The following ING5 variants were observed in gnomAD, a reference collection of about 807,000 sequenced individuals.
ING5 encodes the protein inhibitor of growth protein 5.
Under a neutral mutation model 37.4 loss-of-function variants are expected in ING5, and 17 were observed. The ratio of observed to expected loss-of-function variants is 0.45; its 90% confidence interval spans 0.31 to 0.68. The LOEUF (loss-of-function observed/expected upper bound fraction) is 0.68. ING5 is among the 30% of genes least tolerant of loss of function. The pLI is 0.05. For missense variants in ING5, 233 were observed against 311.9 expected, an observed-to-expected ratio of 0.75 and a Z score of 1.91; for synonymous variants, 123 against 116.6, an observed-to-expected ratio of 1.06 and a Z score of -0.36.
intron 5 of ING5, chr2:241,720,543 C>G: frequency 1.0e-6 from 1 of 989,450 alleles, no homozygotes; most frequent in South Asian, 4.7e-5. Context: ...GAGGCAGAAC[C>G]TGTGTGTGTG....
Position 241,723,991 on chromosome 2 carries a change from G to C in ING5, c.680+720G>C, listed in dbSNP as rs561065655. The C allele has an allele frequency of 7.5e-6, 10 of 1,341,236 alleles. No homozygotes were observed. The East Asian group carries it at 2.3e-4, about 30-fold the overall frequency. The allele number at this position is 1,341,236 out of a possible 1,614,324, so 83.1% of individuals were successfully genotyped here. ...CGCCACTGCACTCCAGCCTGGGCGAGAGAGCAAGACCCTGTCTCAAATAAA... is the reference window on the plus strand; with the variant it reads ...CGCCACTGCACTCCAGCCTGGGCGACAGAGCAAGACCCTGTCTCAAATAAA... On this transcript the variant is annotated intron_variant, in intron 7 of 7. Coordinates refer to ENST00000313552, the MANE Select transcript of ING5 (RefSeq NM_032329.6).
In ING5 at chr2:241,727,285, TTGTGTGTG is replaced by T. The variant is rs536409600; in HGVS notation, c.*2270_*2277del. On this transcript the variant is annotated 3_prime_UTR_variant, in exon 8 of 8. Coordinates refer to ENST00000313552, the MANE Select transcript of ING5 (RefSeq NM_032329.6). ...ACTTAACTTTTTGTTAGCACAGGTT[TTGTGTGTG>T]TGTGTGTGTGTGTGTTTTGTTTTTT... 2.0e-5 allele frequency: 3 copies of T among 150,116 alleles called. No individual in the cohort carries two copies. Among genetic ancestry groups the T allele is most frequent in the South Asian group, 2.1e-4 (1 of 4,702 alleles). 9.3% of individuals were successfully genotyped at this position (150,116 alleles called of 1,614,324 possible).
chr2:241,701,794 G>T (rs1230882432), upstream of ING5, among the ~76,000 whole-genome samples: 1 of 152,074 alleles, frequency 6.6e-6, no homozygotes, highest in East Asian at 1.9e-4. Flanking sequence ...GCCGCACGCC[G>T]GGCGGTGGGG....
At chr2:241,724,433 T>A (rs1488634101) in intron 7 of ING5, among the ~76,000 whole-genome samples, 1 of 151,826 alleles carries the variant, frequency 6.6e-6, no homozygotes, top group Non-Finnish European at 1.5e-5. Flanking sequence ...ACGGTTGCCG[T>A]CATGCGAGTC....
chr2:241,712,185 G>A, intron 5 of ING5, 114 bp downstream of exon 5: 1 of 861,478 alleles, frequency 1.2e-6, no homozygotes, highest in Non-Finnish European at 1.8e-6. Context: ...TGTGCCGGGT[G>A]GTATTCTGAT....
upstream of ING5, among the ~76,000 whole-genome samples, chr2:241,701,525 G>T (rs929981202): frequency 6.6e-6 from 1 of 152,160 alleles, no homozygotes; most frequent in Non-Finnish European, 1.5e-5. Context: ...CCCGGGCCAC[G>T]CGGTGCCGGC....
chr2:241,722,032 G>A, intron 5 of ING5: 1 of 985,442 alleles, frequency 1.0e-6, no homozygotes, highest in Non-Finnish European at 1.2e-6. Context: ...GGTGGGTGGT[G>A]GGCGGTCCAG....
At chr2:241,701,766 C>G (rs984594955), upstream of ING5, among the ~76,000 whole-genome samples, 11 of 152,124 alleles carry the variant, frequency 7.2e-5, no homozygotes, top group Non-Finnish European at 1.6e-4. Flanking sequence ...AGGGGAGACG[C>G]CCACCTGGGT....
At chr2:241,724,769 TG>T (rs5839765) in intron 7 of ING5, 371,200 of 580,588 alleles carry the variant, frequency 0.64, 122,131 homozygotes, top group African/African-American at 0.87. Context: ...TGCTCATTGA[TG>T]GTGTATCTGT....
chr2:241,721,742 T>C, intron 5 of ING5: 1 of 985,480 alleles, frequency 1.0e-6, no homozygotes, highest in Non-Finnish European at 1.2e-6. Flanking sequence ...ACACTGTCTA[T>C]AGTACCTGCA....
chr2:241,719,784 T>G, intron 5 of ING5: 1 of 1,441,304 alleles, frequency 6.9e-7, no homozygotes, highest in South Asian at 1.5e-5. Flanking sequence ...GCCTCATGGC[T>G]TTTCCTGTCC....
At chr2:241,722,569 A>G in intron 5 of ING5, 5 of 985,378 alleles carry the variant, frequency 5.1e-6, no homozygotes, top group Non-Finnish European at 6.0e-6. Context: ...TCAGCTGACA[A>G]TCTGTTCGTA....
chr2:241,715,472 A>ATTTTTTTTTTTTTTTT (rs34545938), intron 5 of ING5, among the ~76,000 whole-genome samples: 1 of 70,944 alleles, frequency 1.4e-5, no homozygotes, highest in Non-Finnish European at 2.5e-5. Flanking sequence ...CTGGAATAGA[A>ATTTTTTTTTTTTTTTT]TTTTTTTTTT....
upstream of ING5, among the ~76,000 whole-genome samples, chr2:241,700,139 T>A (rs1575117842): frequency 1.4e-5 from 2 of 147,500 alleles, no homozygotes; most frequent in Admixed American, 1.4e-4. Context: ...CCAGCCATTA[T>A]GCCCGGCTAA....
At chr2:241,702,375 C>T (rs1261057451) in intron 1 of ING5, among the ~76,000 whole-genome samples, 1 of 149,318 alleles carries the variant, frequency 6.7e-6, no homozygotes. Context: ...GCGGGGCTTG[C>T]GGCCTCGACC....
chr2:241,724,903 TG>T, intron 7 of ING5, 85 bp from the exon 8 acceptor site: 1 of 1,434,778 alleles, frequency 7.0e-7, no homozygotes. Context: ...CCAGCAGCCC[TG>T]GGAGACATGG....
In ING5 at chr2:241,725,948, TG is replaced by T. The variant is rs1691607497; in HGVS notation, c.*918del. ...CGAGGGGACTCCGATGTGAATTTGTTGTGAATTTGTTGTGCCACAATAGCAG... is the reference window on the plus strand; with the variant it reads ...CGAGGGGACTCCGATGTGAATTTGTTTGAATTTGTTGTGCCACAATAGCAG... On this transcript the variant is annotated 3_prime_UTR_variant, in exon 8 of 8. Coordinates refer to ENST00000313552, the MANE Select transcript of ING5 (RefSeq NM_032329.6). The T allele has an allele frequency of 6.6e-6, 1 of 152,534 alleles. No individual in the cohort carries two copies. The highest frequency in any genetic ancestry group is 2.1e-4 in the South Asian group (1 of 4,814). 9.4% of individuals were successfully genotyped at this position (152,534 alleles called of 1,614,324 possible).
intron 3 of ING5, among the ~76,000 whole-genome samples, chr2:241,709,930 A>T (rs896771723): frequency 2.6e-5 from 4 of 151,292 alleles, no homozygotes; most frequent in African/African-American, 9.7e-5. Context: ...ATTTTATTTT[A>T]TTTATTTATT....
At chr2:241,702,881 C>G (rs959983923) in intron 1 of ING5, among the ~76,000 whole-genome samples, 7 of 152,214 alleles carry the variant, frequency 4.6e-5, no homozygotes, top group Non-Finnish European at 7.3e-5. Context: ...GCTTTGGGGT[C>G]GCGGTGTTTG....
Sources: gnomAD v4.1 joint callset for allele counts (sites outside exome capture counted in the v4.1 genomes callset) on GRCh38, gnomAD v4.1.1 for gene constraint, MANE v1.5 for transcripts, NCBI Gene and HGNC (gene_info 2026-07-23, HGNC 2026-07-21) for gene names.